Variants in FHL2 observed in about 807,000 individuals in gnomAD.
The protein encoded by FHL2 is four and a half LIM domains protein 2.
Under a neutral mutation model 32.7 loss-of-function variants are expected in FHL2, and 20 were observed. The observed-to-expected ratio is 0.61, with a 90% CI of 0.43 to 0.89. The LOEUF is 0.89. FHL2 is among the 40% of genes least tolerant of loss of function. The probability of loss-of-function intolerance (pLI) is 0.00; values close to 1 mark genes in which losing one functional copy is unlikely to be tolerated. For missense variants in FHL2, 311 were observed against 358.6 expected, an observed-to-expected ratio of 0.87 and a Z score of 1.07; for synonymous variants, 123 against 128.1, an observed-to-expected ratio of 0.96 and a Z score of 0.27.
rs909455005 is a variant in FHL2, at chr2:105,361,088, C to T, written c.*195G>A. On this transcript the variant is annotated 3_prime_UTR_variant, in exon 7 of 7. Transcript: ENST00000530340. ...CCATCTTCCCACCTAGGGCCTAGGG[C>T]GAGTTTTCTCTTTCCCTGGGACTGA... 1.0e-5 allele frequency: 5 copies of T among 478,998 alleles called. No homozygotes were observed. The highest frequency in any genetic ancestry group is 4.5e-5 in the South Asian group (1 of 22,276). The allele number at this position is 478,998 out of a possible 1,614,324, so 29.7% of individuals were successfully genotyped here. A position where few individuals can be genotyped will look rare whatever the true frequency, so the allele number is the denominator to read the frequency against.
At position 105,418,271 on chromosome 2, in the gene FHL2, T is replaced by C. The variant is rs554529041; in HGVS notation, c.-25+20128A>G. On this transcript the variant is annotated intron_variant, in intron 1 of 5. Transcript: ENST00000393352. ...GCTGGGCTTGTTAAGCTGGATATCCTAACTCCTGGGCCTTCTGGTTTGAAA... is the reference window on the plus strand; with the variant it reads ...GCTGGGCTTGTTAAGCTGGATATCCCAACTCCTGGGCCTTCTGGTTTGAAA... Among the ~76,000 whole-genome samples the C allele has an allele frequency of 2.3e-4, 35 of 152,222 alleles. No homozygotes were observed. The South Asian group carries it at 6.6e-3, about 29-fold the overall frequency.
intron 1 of FHL2, among the ~76,000 whole-genome samples, chr2:105,404,391 C>T (rs149478472): frequency 6.6e-6 from 1 of 152,254 alleles, no homozygotes; most frequent in East Asian, 1.9e-4. Flanking sequence ...AAACCAGCAC[C>T]CCTCCTGGCA....
intron 1 of FHL2, among the ~76,000 whole-genome samples, chr2:105,438,095 G>A (rs1451145062): frequency 1.3e-5 from 2 of 152,206 alleles, no homozygotes; most frequent in East Asian, 3.8e-4. Context: ...AGGGGGCAGA[G>A]GTTCAATTTT....
chr2:105,378,242 A>G (rs1026051443), intron 3 of FHL2: 3 of 466,424 alleles, frequency 6.4e-6, no homozygotes, highest in Non-Finnish European at 1.3e-5. Flanking sequence ...AGACTGATTC[A>G]TTGACACGTG....
chr2:105,373,865 A>G (rs971131609), intron 3 of FHL2, 132 bp from the exon 4 acceptor site: 1 of 750,426 alleles, frequency 1.3e-6, no homozygotes, highest in East Asian at 2.7e-5. Context: ...GCGCACCCAC[A>G]TTCATGCCCC....
At chr2:105,426,165 T>C (rs190662272) in intron 1 of FHL2, among the ~76,000 whole-genome samples, 320 of 152,248 alleles carry the variant, frequency 2.1e-3, no homozygotes, top group Non-Finnish European at 3.8e-3. Context: ...TTTTACCCGG[T>C]GCATTTGTCA....
At chr2:105,381,119 C>T (rs1395303022) in intron 3 of FHL2, among the ~76,000 whole-genome samples, 1 of 152,116 alleles carries the variant, frequency 6.6e-6, no homozygotes, top group Non-Finnish European at 1.5e-5. Context: ...CTCCTTCGCA[C>T]CCCATTCCAC....
At chr2:105,438,515 C>T (rs532903182), upstream of FHL2, 173 of 985,538 alleles carry the variant, frequency 1.8e-4, no homozygotes, top group Non-Finnish European at 2.0e-4. Flanking sequence ...CAGCCAGCTG[C>T]GCTGCCCTTG....
intron 1 of FHL2, among the ~76,000 whole-genome samples, chr2:105,398,586 A>G (rs1027042681): frequency 1.1e-4 from 16 of 152,156 alleles, no homozygotes; most frequent in Non-Finnish European, 2.2e-4. Context: ...CCACCTGGTG[A>G]GGACGCGGGC....
downstream of FHL2, chr2:105,359,068 C>T (rs192416609): frequency 6.6e-6 from 1 of 152,330 alleles, no homozygotes; most frequent in Admixed American, 6.5e-5. Flanking sequence ...GTCTACTGCC[C>T]TCCAATATCT....
chr2:105,378,654 C>T (rs1369803657), intron 3 of FHL2: 1 of 155,986 alleles, frequency 6.4e-6, no homozygotes, highest in African/African-American at 2.4e-5. Flanking sequence ...CTGCACTCAG[C>T]TCCGCAACGT....
chr2:105,423,066 AG>A (rs1383091711), intron 1 of FHL2, among the ~76,000 whole-genome samples: 1 of 152,202 alleles, frequency 6.6e-6, no homozygotes, highest in African/African-American at 2.4e-5. Context: ...TGACTCAGGA[AG>A]TGGTATCAAG....
chr2:105,433,312 CTG>C (rs1464252959), intron 1 of FHL2, among the ~76,000 whole-genome samples: 1 of 151,876 alleles, frequency 6.6e-6, no homozygotes, highest in Non-Finnish European at 1.5e-5. Flanking sequence ...TCCTGAGTAA[CTG>C]GGATTACAGG....
chr2:105,384,256 C>T (rs1378107514), intron 3 of FHL2, among the ~76,000 whole-genome samples: 1 of 152,154 alleles, frequency 6.6e-6, no homozygotes, highest in Non-Finnish European at 1.5e-5. Flanking sequence ...TTTTCTCGGG[C>T]TATCTACTTC....
intron 4 of FHL2, among the ~76,000 whole-genome samples, chr2:105,370,998 A>C (rs1681024203): frequency 2.6e-5 from 4 of 152,182 alleles, no homozygotes. Flanking sequence ...TGCTTCCCCC[A>C]TTCCTTAGTA....
At chr2:105,381,153 C>G (rs1469922281) in intron 3 of FHL2, among the ~76,000 whole-genome samples, 4 of 152,186 alleles carry the variant, frequency 2.6e-5, no homozygotes, top group African/African-American at 9.7e-5. Flanking sequence ...AACCATTCTT[C>G]AGATCCATAC....
chr2:105,410,368 CT>C (rs983061339), intron 1 of FHL2, among the ~76,000 whole-genome samples: 1 of 152,158 alleles, frequency 6.6e-6, no homozygotes, highest in African/African-American at 2.4e-5. Flanking sequence ...ATTATTTTCT[CT>C]TGTCTGCTTC....
intron 2 of FHL2, among the ~76,000 whole-genome samples, chr2:105,386,954 A>C (rs1301967027): frequency 6.6e-6 from 1 of 151,850 alleles, no homozygotes; most frequent in African/African-American, 2.4e-5. Flanking sequence ...TAGTAGAGAC[A>C]GGGTTTTACC....
rs765861146 is a variant in FHL2, at chr2:105,399,002, G to C, written c.-236C>G. On this transcript the variant is annotated 5_prime_UTR_variant, in exon 1 of 7. Coordinates refer to ENST00000530340, the MANE Select transcript of FHL2 (RefSeq NM_001318895.3). The stretch of plus-strand genomic sequence containing the variant: ...CAGCGGGCCGGGGACTCCCGGACGG[G>C]GCTGGAGGGCGCGGGCGGCTGGTGG... 15 of 1,504,964 alleles carry C rather than the reference G, an allele frequency of 1.0e-5. No homozygotes were observed. The African/African-American group carries it at 1.7e-4, about 17-fold the overall frequency. 93.2% of individuals were successfully genotyped at this position (1,504,964 alleles called of 1,614,324 possible).
Sources: allele counts gnomAD v4.1 joint callset (sites outside exome capture counted in the v4.1 genomes callset), GRCh38; gene constraint gnomAD v4.1.1; transcripts MANE v1.5; gene names NCBI Gene and HGNC (gene_info 2026-07-23, HGNC 2026-07-21).